Variants in M1AP observed in about 807,000 individuals in gnomAD.
M1AP encodes meiosis 1 associated protein, also known as meiosis 1 arrest protein.
A neutral mutation model predicts 51.2 loss-of-function variants in M1AP; 39 were observed. The ratio of observed to expected loss-of-function variants is 0.76; its 90% confidence interval spans 0.59 to 1.00. The LOEUF (loss-of-function observed/expected upper bound fraction) is 1.00. Among genes scored for constraint, M1AP ranks in the 50% least tolerant of loss-of-function variants. The pLI is 0.00. For synonymous variants in M1AP, 251 were observed against 249.2 expected (o/e 1.01, Z -0.07); for missense variants, 545 against 641.2 (o/e 0.85, Z 1.62).
chr2:74,602,395 T>C (rs768911683), intron 4 of M1AP, among the ~76,000 whole-genome samples: 12 of 152,174 alleles, frequency 7.9e-5, no homozygotes, highest in Non-Finnish European at 1.6e-4. Flanking sequence ...ACCATCCATA[T>C]ACAAAAATTT....
Position 74,581,743 on chromosome 2 carries a change from G to A in M1AP, c.700C>T (p.Gln234Ter). ...GAAAGAAGAAGATGGATTTGTTCTT[G>A]GTCTGTTCCACTGTTATGTAGCCAG... ...KAWLHNSGTD[Q>*]EQIHLLLSSQ... The change falls in exon 5 of 11, where the codon CAA (glutamine) becomes TAA (stop). Residue 234 changes from glutamine to a stop codon, truncating the protein, a stop_gained. Coordinates refer to ENST00000421985, the MANE Select transcript of M1AP (RefSeq NM_001321739.2). LOFTEE classifies it high-confidence loss of function. 1 of 1,613,998 alleles carries A rather than the reference G, an allele frequency of 6.2e-7. No homozygotes were observed. The highest frequency in any genetic ancestry group is 8.5e-7 in the Non-Finnish European group (1 of 1,179,924).
intron 2 of M1AP, among the ~76,000 whole-genome samples, chr2:74,622,334 G>C (rs1682101236): frequency 6.6e-6 from 1 of 151,988 alleles, no homozygotes; most frequent in Admixed American, 6.5e-5. Flanking sequence ...CGCCTCCCGA[G>C]TTCAAGCGAT....
chr2:74,647,972 C>A (rs780012822), intron 1 of M1AP: 18 of 976,000 alleles, frequency 1.8e-5, no homozygotes, highest in Admixed American at 6.1e-5. Context: ...ATGGCGCCTA[C>A]CGTGCCTGGC....
At chr2:74,591,993 G>C (rs1489119844) in intron 4 of M1AP, among the ~76,000 whole-genome samples, 1 of 151,792 alleles carries the variant, frequency 6.6e-6, no homozygotes, top group African/African-American at 2.4e-5. Context: ...CAGTAGAGAA[G>C]GGGTTTCACT....
At chr2:74,635,210 T>C (rs1179571308) in intron 2 of M1AP, among the ~76,000 whole-genome samples, 1 of 152,112 alleles carries the variant, frequency 6.6e-6, no homozygotes, top group East Asian at 1.9e-4. Context: ...GCAATTGTGA[T>C]AGTTTGTGCT....
intron 5 of M1AP, among the ~76,000 whole-genome samples, chr2:74,581,353 T>G (rs1424820403): frequency 6.6e-6 from 1 of 152,162 alleles, no homozygotes; most frequent in African/African-American, 2.4e-5. Context: ...TTTACCACAT[T>G]AAAAATGAGA....
chr2:74,641,847 ATTT>A (rs10709998), intron 1 of M1AP, among the ~76,000 whole-genome samples: 1 of 142,466 alleles, frequency 7.0e-6, no homozygotes. Flanking sequence ...TCCTCAACTA[ATTT>A]TTTTTTTTTT....
rs1160043871 is a variant in M1AP, at chr2:74,639,959, A to G, written c.240+77T>C. The G allele has an allele frequency of 3.2e-5, 40 of 1,269,696 alleles. No homozygotes were observed. In the South Asian group the frequency reaches 4.5e-4, roughly 14 times the overall value. 78.7% of individuals were successfully genotyped at this position (1,269,696 alleles called of 1,614,324 possible). ...TGCGGTTATTGTTATAAGTATTAAT[A>G]ACTGTGATCTCTATTCCAGAAACCT... On this transcript the variant is annotated intron_variant, in intron 2 of 10. Coordinates refer to ENST00000421985, the MANE Select transcript of M1AP (RefSeq NM_001321739.2).
At chr2:74,560,403 C>T (rs1212592454) in intron 8 of M1AP, 112 bp from the exon 9 acceptor site, 1 of 1,167,688 alleles carries the variant, frequency 8.6e-7, no homozygotes, top group South Asian at 1.6e-5. Flanking sequence ...AACCCCAGGG[C>T]TGCCATGAAG....
At chr2:74,609,541 A>G (rs904004511) in intron 3 of M1AP, among the ~76,000 whole-genome samples, 15 of 152,206 alleles carry the variant, frequency 9.9e-5, no homozygotes, top group African/African-American at 3.6e-4. Context: ...TATCTCTCCA[A>G]CACACTGATT....
intron 1 of M1AP, among the ~76,000 whole-genome samples, chr2:74,644,524 C>T (rs1336396038): frequency 6.8e-6 from 1 of 147,882 alleles, no homozygotes; most frequent in African/African-American, 2.5e-5. Flanking sequence ...GGTGACAGCG[C>T]GAGACCCCGT....
At chr2:74,626,549 A>G (rs1435747887) in intron 2 of M1AP, among the ~76,000 whole-genome samples, 1 of 151,974 alleles carries the variant, frequency 6.6e-6, no homozygotes, top group Non-Finnish European at 1.5e-5. Flanking sequence ...ATGAACGAAC[A>G]CGCCCAGCCT....
At chr2:74,607,734 A>T (rs541826659) in intron 3 of M1AP, among the ~76,000 whole-genome samples, 1 of 152,284 alleles carries the variant, frequency 6.6e-6, no homozygotes, top group South Asian at 2.1e-4. Context: ...CCGGCCTCCC[A>T]GAGTGCTGGG....
At chr2:74,591,087 A>G (rs374938766) in intron 4 of M1AP, among the ~76,000 whole-genome samples, 17 of 152,294 alleles carry the variant, frequency 1.1e-4, no homozygotes, top group African/African-American at 4.1e-4. Flanking sequence ...CCTGAAAGCA[A>G]TTTGTGGACT....
intron 3 of M1AP, among the ~76,000 whole-genome samples, chr2:74,609,188 T>C (rs991329015): frequency 6.6e-6 from 1 of 152,186 alleles, no homozygotes; most frequent in Admixed American, 6.5e-5. Context: ...TTTGCACCAT[T>C]GGCCAACCTC....
chr2:74,559,500 T>A (rs1027426233), intron 10 of M1AP, among the ~76,000 whole-genome samples, 198 bp downstream of exon 10: 6 of 152,158 alleles, frequency 3.9e-5, no homozygotes, highest in African/African-American at 1.4e-4. Flanking sequence ...ACTAAGAAAC[T>A]GAGAAAAAGT....
chr2:74,592,456 T>G (rs1446854575), intron 4 of M1AP, among the ~76,000 whole-genome samples: 1 of 152,200 alleles, frequency 6.6e-6, no homozygotes, highest in Admixed American at 6.5e-5. Flanking sequence ...TTGAATTATG[T>G]GTTTATGACT....
chr2:74,616,600 T>C (rs1451486811), intron 2 of M1AP, among the ~76,000 whole-genome samples: 1 of 152,206 alleles, frequency 6.6e-6, no homozygotes, highest in Non-Finnish European at 1.5e-5. Flanking sequence ...GATCATCCCA[T>C]CATACTTCTC....
At chr2:74,623,981 T>C (rs1682231619) in intron 2 of M1AP, among the ~76,000 whole-genome samples, 1 of 152,210 alleles carries the variant, frequency 6.6e-6, no homozygotes, top group Non-Finnish European at 1.5e-5. Context: ...TACAATATAC[T>C]GTTAATTAAA....
Sources: gnomAD v4.1 joint callset for allele counts (sites outside exome capture counted in the v4.1 genomes callset) on GRCh38, gnomAD v4.1.1 for gene constraint, MANE v1.5 for transcripts, NCBI Gene and HGNC (gene_info 2026-07-23, HGNC 2026-07-21) for gene names.